HEATR4: variants seen among roughly 807,000 people sequenced by gnomAD.
HEATR4 encodes the protein HEAT repeat containing 4.
Under a neutral mutation model 108.8 loss-of-function variants are expected in HEATR4, and 95 were observed. The ratio of observed to expected loss-of-function variants is 0.87; its 90% CI spans 0.74 to 1.04. HEATR4 has a LOEUF of 1.04. Among genes scored for constraint, HEATR4 ranks in the 50% least tolerant of loss-of-function variants. HEATR4 has a pLI of 0.00. For missense variants in HEATR4, 1,152 were observed against 1,253.8 expected, an observed-to-expected ratio of 0.92 and a Z score of 1.23; for synonymous variants, 443 against 459.4, an observed-to-expected ratio of 0.96 and a Z score of 0.46.
At chr14:73,585,727 A>G in the HEATR4 span, among the ~76,000 whole-genome samples, 1 of 150,980 alleles carries the variant, frequency 6.6e-6, no homozygotes, top group Non-Finnish European at 1.5e-5. Flanking sequence ...CACATTGGGT[A>G]TTAGGTTTGT....
At position 73,478,819 on chromosome 14, in the gene HEATR4, A is replaced by T. The variant is rs1012161417; in HGVS notation, c.2868T>A (p.Asn956Lys). Residue 956 changes from asparagine to lysine, a missense_variant, in exon 18 of 18, where the codon AAT becomes AAA. Asn to Lys is a moderately conservative substitution (Grantham distance 94). Transcript: ENST00000553558. ...CTGGGACTGAACTTTGTAACCAGGG[A>T]TTTGGTGCGCGGGGCTTCACAGGCT... ...VIKPVKPRAPNPWLQSSVPGL... is the reference protein window; with the variant it reads ...VIKPVKPRAPKPWLQSSVPGL... 1.3e-4 allele frequency: 203 copies of T among 1,609,598 alleles called. No individual in the cohort carries two copies. The highest frequency in any genetic ancestry group is 1.7e-4 in the Non-Finnish European group (197 of 1,177,700).
At chr14:73,568,826 T>A in the HEATR4 span, among the ~76,000 whole-genome samples, 3 of 152,018 alleles carry the variant, frequency 2.0e-5, no homozygotes, top group Non-Finnish European at 4.4e-5. Context: ...GGGATTGATG[T>A]GGAGGATAGG....
At chr14:73,605,236 G>A in the HEATR4 span, among the ~76,000 whole-genome samples, 1 of 151,906 alleles carries the variant, frequency 6.6e-6, no homozygotes. Flanking sequence ...TTTAAAAAAA[G>A]TCCTTTTAAA....
chr14:73,509,503 A>C (rs778233509), intron 7 of HEATR4, 30 bp from the exon 8 acceptor site: 1 of 1,608,728 alleles, frequency 6.2e-7, no homozygotes, highest in African/African-American at 1.3e-5. Context: ...GTAAGAGAGT[A>C]CTAGCCCCTT....
the HEATR4 span, among the ~76,000 whole-genome samples, chr14:73,576,816 A>AGG: frequency 1.7e-5 from 1 of 58,142 alleles, no homozygotes; most frequent in Non-Finnish European, 3.3e-5. Context: ...AAAAAAAAAA[A>AGG]AAAAGACAAT....
chr14:73,548,114 A>G (rs1485415924), intron 1 of HEATR4, among the ~76,000 whole-genome samples: 1 of 114,090 alleles, frequency 8.8e-6, no homozygotes, highest in Admixed American at 1.0e-4. Context: ...TTTTTGCAGA[A>G]ACAGGGTCTT....
the HEATR4 span, among the ~76,000 whole-genome samples, chr14:73,616,066 A>C: frequency 1.3e-5 from 2 of 151,958 alleles, no homozygotes. Context: ...TCTTGGGCTC[A>C]GATGATCCTC....
At chr14:73,615,088 CA>C in the HEATR4 span, among the ~76,000 whole-genome samples, 8 of 141,390 alleles carry the variant, frequency 5.7e-5, no homozygotes, top group Non-Finnish European at 7.7e-5. Context: ...GACTCCATCT[CA>C]AAAAAAAAAA....
chr14:73,518,499 A>T (rs1887770129), intron 5 of HEATR4, among the ~76,000 whole-genome samples: 1 of 152,078 alleles, frequency 6.6e-6, no homozygotes, highest in Non-Finnish European at 1.5e-5. Flanking sequence ...ACAAAGAGTC[A>T]TGGGAAATAG....
chr14:73,583,159 T>C, the HEATR4 span, among the ~76,000 whole-genome samples: 4 of 151,828 alleles, frequency 2.6e-5, no homozygotes, highest in Admixed American at 1.3e-4. Context: ...CTGGCCAACA[T>C]AGTGAAACAC....
At chr14:73,518,704 C>T (rs746475360) in intron 5 of HEATR4, among the ~76,000 whole-genome samples, 6 of 152,094 alleles carry the variant, frequency 3.9e-5, no homozygotes, top group Non-Finnish European at 7.4e-5. Context: ...GATGCACTTT[C>T]CCTGTTAGGT....
chr14:73,590,383 T>G, the HEATR4 span, among the ~76,000 whole-genome samples: 1 of 152,204 alleles, frequency 6.6e-6, no homozygotes, highest in African/African-American at 2.4e-5. Flanking sequence ...ATTCTCCAAG[T>G]CCCCACCAGA....
the HEATR4 span, among the ~76,000 whole-genome samples, chr14:73,628,209 G>C: frequency 6.6e-6 from 1 of 152,160 alleles, no homozygotes; most frequent in East Asian, 1.9e-4. Flanking sequence ...GCACACAAAA[G>C]ACAACACGTT....
the HEATR4 span, chr14:73,581,147 T>C: frequency 2.0e-5 from 3 of 151,612 alleles, no homozygotes; most frequent in African/African-American, 7.3e-5. Context: ...TTTTTTTTTT[T>C]CTTGTGGTGA....
At chr14:73,604,547 G>A in the HEATR4 span, among the ~76,000 whole-genome samples, 2 of 151,320 alleles carry the variant, frequency 1.3e-5, 1 homozygote, top group South Asian at 4.2e-4. Context: ...GTGCAATGGT[G>A]TGATCTCAGC....
chr14:73,620,371 G>A, the HEATR4 span, among the ~76,000 whole-genome samples: 3 of 152,258 alleles, frequency 2.0e-5, no homozygotes, highest in South Asian at 2.1e-4. Flanking sequence ...ATGTAGGACC[G>A]GTCTTCACCT....
chr14:73,533,584 C>A (rs1888774526), intron 1 of HEATR4, among the ~76,000 whole-genome samples: 1 of 114,252 alleles, frequency 8.8e-6, no homozygotes, highest in African/African-American at 2.9e-5. Flanking sequence ...GAGGCTGAGG[C>A]AGGAGAATCA....
chr14:73,592,713 C>T, the HEATR4 span, among the ~76,000 whole-genome samples: 1 of 152,094 alleles, frequency 6.6e-6, no homozygotes, highest in African/African-American at 2.4e-5. Flanking sequence ...ATTAGTCCAG[C>T]CTGGTGGCAC....
At chr14:73,509,252 A>G in intron 8 of HEATR4, 60 bp downstream of exon 8, 2 of 1,509,878 alleles carry the variant, frequency 1.3e-6, no homozygotes, top group Non-Finnish European at 1.8e-6. Flanking sequence ...GGACTGGGAA[A>G]GCTGATAGTG....
Sources: allele counts gnomAD v4.1 joint callset (sites outside exome capture counted in the v4.1 genomes callset), GRCh38; gene constraint gnomAD v4.1.1; transcripts MANE v1.5; gene names NCBI Gene and HGNC (gene_info 2026-07-23, HGNC 2026-07-21).